Variants in OSBPL1A observed in about 807,000 individuals in gnomAD.
The protein encoded by OSBPL1A is oxysterol-binding protein-related protein 1.
Under a neutral mutation model 137.1 loss-of-function variants are expected in OSBPL1A, and 80 were observed. That is an observed-to-expected ratio of 0.58 (90% CI 0.49 to 0.70). The LOEUF is 0.70. Among genes scored for constraint, OSBPL1A ranks in the 30% least tolerant of loss-of-function variants. The probability of loss-of-function intolerance (pLI) is 0.00; values close to 1 mark genes in which losing one functional copy is unlikely to be tolerated. For synonymous variants in OSBPL1A, 365 were observed against 389.7 expected, an observed-to-expected ratio of 0.94 and a Z score of 0.75; for missense variants, 970 against 1,129.4, an observed-to-expected ratio of 0.86 and a Z score of 2.02.
intron 15 of OSBPL1A, among the ~76,000 whole-genome samples, chr18:24,269,885 CCAT>C (rs1327505626): frequency 6.6e-6 from 1 of 151,224 alleles, no homozygotes; most frequent in Non-Finnish European, 1.5e-5. Flanking sequence ...CACACACACA[CCAT>C]GCTAATTAAA....
At chr18:24,272,040 G>A (rs2089735769) in intron 15 of OSBPL1A, 1 of 982,160 alleles carries the variant, frequency 1.0e-6, no homozygotes, top group South Asian at 4.7e-5. Flanking sequence ...GGCAGCGTCC[G>A]GGCCGCTCCT....
intron 14 of OSBPL1A, among the ~76,000 whole-genome samples, chr18:24,294,563 A>T (rs1015819983): frequency 1.4e-5 from 2 of 147,150 alleles, no homozygotes; most frequent in Non-Finnish European, 3.0e-5. Context: ...TCTCCCCCAG[A>T]CTCTTTCCTT....
At position 24,261,302 on chromosome 18, in the gene OSBPL1A, T is replaced by C. The variant is rs866169167; in HGVS notation, c.1281+19540A>G. ...TTACAAAGAGGCAGTAAGGAACTTT[T>C]GGAAGGAATAGAAGTATTCCTTATC... On this transcript the variant is annotated intron_variant, in intron 15 of 27. Transcript: ENST00000319481. Among the ~76,000 whole-genome samples the C allele has an allele frequency of 1.4e-4, 21 of 152,298 alleles. No individual in the cohort carries two copies. The Middle Eastern group carries it at 0.014, about 99-fold the overall frequency.
chr18:24,284,368 G>A (rs1156314859), intron 14 of OSBPL1A, among the ~76,000 whole-genome samples: 1 of 152,166 alleles, frequency 6.6e-6, no homozygotes, highest in African/African-American at 2.4e-5. Flanking sequence ...TTGGCCTGCT[G>A]TAAGAATCTG....
At chr18:24,273,158 C>T (rs1413870362) in intron 15 of OSBPL1A, among the ~76,000 whole-genome samples, 1 of 152,168 alleles carries the variant, frequency 6.6e-6, no homozygotes, top group African/African-American at 2.4e-5. Flanking sequence ...TCCACCTGCC[C>T]TGGCCTCCCA....
intron 1 of OSBPL1A, among the ~76,000 whole-genome samples, chr18:24,386,690 T>C (rs914423955): frequency 6.6e-6 from 1 of 152,208 alleles, no homozygotes; most frequent in African/African-American, 2.4e-5. Flanking sequence ...CCGGGCATGG[T>C]GGCTCATGTT....
At chr18:24,279,894 C>G (rs2089922979) in intron 15 of OSBPL1A, among the ~76,000 whole-genome samples, 1 of 152,076 alleles carries the variant, frequency 6.6e-6, no homozygotes, top group African/African-American at 2.4e-5. Flanking sequence ...GGCTGGAGTA[C>G]AGTAGTGCAA....
At chr18:24,196,590 C>T (rs922498668) in intron 17 of OSBPL1A, among the ~76,000 whole-genome samples, 2 of 152,070 alleles carry the variant, frequency 1.3e-5, no homozygotes, top group African/African-American at 2.4e-5. Flanking sequence ...ATTCTCTAGC[C>T]GCTAAATGAT....
intron 24 of OSBPL1A, among the ~76,000 whole-genome samples, chr18:24,168,556 A>G (rs1018686562): frequency 1.3e-5 from 2 of 152,200 alleles, no homozygotes; most frequent in Admixed American, 1.3e-4. Flanking sequence ...AGGAGAGGTC[A>G]CGACCGCTTT....
chr18:24,260,720 A>C (rs1234758590), intron 15 of OSBPL1A, among the ~76,000 whole-genome samples: 1 of 152,076 alleles, frequency 6.6e-6, no homozygotes, highest in Non-Finnish European at 1.5e-5. Flanking sequence ...TTGGAATAAG[A>C]CAGAGGTGAT....
intron 18 of OSBPL1A, among the ~76,000 whole-genome samples, chr18:24,183,448 T>C: frequency 1.3e-5 from 2 of 151,618 alleles, no homozygotes; most frequent in Non-Finnish European, 2.9e-5. Context: ...TTTTTTTTTT[T>C]TGAGGCGGAG....
At chr18:24,354,770 A>AG (rs2091503416) in intron 4 of OSBPL1A, among the ~76,000 whole-genome samples, 1 of 148,820 alleles carries the variant, frequency 6.7e-6, no homozygotes, top group Non-Finnish European at 1.5e-5. Flanking sequence ...AAAAAAAAAA[A>AG]AAAGAAAGAA....
intron 2 of OSBPL1A, among the ~76,000 whole-genome samples, chr18:24,375,820 T>C (rs1376142729): frequency 6.6e-6 from 1 of 152,144 alleles, no homozygotes; most frequent in East Asian, 1.9e-4. Flanking sequence ...TGCAATGTCT[T>C]CAAGAAGAAA....
At chr18:24,215,110 G>A (rs146349038) in intron 17 of OSBPL1A, among the ~76,000 whole-genome samples, 3 of 152,300 alleles carry the variant, frequency 2.0e-5, no homozygotes, top group Admixed American at 6.5e-5. Flanking sequence ...TCTCTGACAC[G>A]TATGTTATTT....
chr18:24,181,168 A>G lies in OSBPL1A; in HGVS notation c.1789T>C (p.Ser597Pro), dbSNP rs374109119. The stretch of plus-strand genomic sequence containing the variant: ...ACCTGCATCCTTTCCACAGGATCAG[A>G]GAGTGAACTGGCCTTGTGGATGAGG... Reference protein sequence around the residue: ...TYLIHKASSLSDPVERMQCVA... With the variant: ...TYLIHKASSLPDPVERMQCVA... Residue 597 changes from serine to proline, a missense_variant, in exon 19 of 28, where the codon TCT becomes CCT. Ser to Pro is a moderately conservative substitution (Grantham distance 74). This residue lies in a region of OSBPL1A where 323 missense variants were observed against 456.8 expected (regional missense o/e 0.71). Transcript: ENST00000319481. 3.1e-6 allele frequency: 5 copies of G among 1,613,976 alleles called. No homozygotes were observed. In the African/African-American group the frequency reaches 6.7e-5, roughly 22 times the overall value.
intron 4 of OSBPL1A, among the ~76,000 whole-genome samples, chr18:24,349,075 G>A (rs1169291347): frequency 6.6e-6 from 1 of 152,102 alleles, no homozygotes; most frequent in South Asian, 2.1e-4. Context: ...GCTGAGCTGG[G>A]AGGTTCACTT....
intron 7 of OSBPL1A, among the ~76,000 whole-genome samples, chr18:24,326,585 T>TA (rs1219875602): frequency 4.6e-5 from 7 of 152,226 alleles, no homozygotes; most frequent in African/African-American, 1.7e-4. Flanking sequence ...GCTGGTCTGC[T>TA]AGAAGACATG....
At chr18:24,212,274 G>A (rs961046928) in intron 17 of OSBPL1A, among the ~76,000 whole-genome samples, 2 of 151,612 alleles carry the variant, frequency 1.3e-5, no homozygotes, top group African/African-American at 4.9e-5. Context: ...TGGCCAGGAT[G>A]GTCTCGATCT....
At chr18:24,354,545 A>G (rs1303965775) in intron 4 of OSBPL1A, among the ~76,000 whole-genome samples, 1 of 152,122 alleles carries the variant, frequency 6.6e-6, no homozygotes, top group Non-Finnish European at 1.5e-5. Flanking sequence ...AATCATAGCA[A>G]CAGAGATAAA....
Sources: allele counts gnomAD v4.1 joint callset (sites outside exome capture counted in the v4.1 genomes callset), GRCh38; gene constraint gnomAD v4.1.1; regional missense constraint gnomAD v4.1.1; transcripts MANE v1.5; gene names NCBI Gene and HGNC (gene_info 2026-07-23, HGNC 2026-07-21).